Variants in GLUD1 observed in about 807,000 individuals in gnomAD.
GLUD1 encodes glutamate dehydrogenase 1, mitochondrial.
A neutral mutation model predicts 56.0 loss-of-function variants in GLUD1; 22 were observed. The ratio of observed to expected loss-of-function variants is 0.39; its 90% CI spans 0.28 to 0.56. The LOEUF (loss-of-function observed/expected upper bound fraction) is 0.56. Among genes scored for constraint, GLUD1 ranks in the 20% least tolerant of loss-of-function variants. The pLI is 0.58. For synonymous variants in GLUD1, 223 were observed against 269.9 expected, an observed-to-expected ratio of 0.83 and a Z score of 1.70; for missense variants, 451 against 732.0, an observed-to-expected ratio of 0.62 and a Z score of 4.43.
In GLUD1 at chr10:87,084,452, C is replaced by A. The variant is rs143994422; in HGVS notation, c.446-7796G>T. Among the ~76,000 whole-genome samples, 884 of 152,282 alleles carry A rather than the reference C, an allele frequency of 5.8e-3. 8 individuals are homozygous for A. Among genetic ancestry groups the A allele is most frequent in the African/African-American group, 0.02 (820 of 41,548 alleles). On this transcript the variant is annotated intron_variant, in intron 1 of 12. Transcript: ENST00000277865. The stretch of plus-strand genomic sequence containing the variant: ...CAAAAGCAGAAACTAGCTTAAGTTG[C>A]TATAGTGATGAAGAAAACAAACCAG...
intron 1 of GLUD1, among the ~76,000 whole-genome samples, chr10:87,080,171 C>T (rs1037312580): frequency 5.9e-5 from 9 of 152,086 alleles, no homozygotes; most frequent in African/African-American, 1.9e-4. Context: ...AGCTCCTAAC[C>T]GCGAGTGATC....
chr10:87,082,324 TGTGTATAACAAAAGACATG>T (rs1841281893), intron 1 of GLUD1, among the ~76,000 whole-genome samples: 13 of 152,230 alleles, frequency 8.5e-5, no homozygotes, highest in Admixed American at 8.5e-4. Context: ...AGAAACTGTG[TGTGTATAACAAAAGACATG>T]TTCCGCTGGA....
chr10:87,079,557 G>C (rs1415331973), intron 1 of GLUD1, among the ~76,000 whole-genome samples: 1 of 152,196 alleles, frequency 6.6e-6, no homozygotes, highest in African/African-American at 2.4e-5. Context: ...CTAAGCCAGG[G>C]AAATGGTAAG....
At chr10:87,093,237 T>G (rs772315404) in intron 1 of GLUD1, among the ~76,000 whole-genome samples, 1 of 152,248 alleles carries the variant, frequency 6.6e-6, no homozygotes, top group Non-Finnish European at 1.5e-5. Flanking sequence ...TACTGAGACA[T>G]GGGTCTAGCC....
chr10:87,092,164 C>CA (rs1390118560), intron 1 of GLUD1, among the ~76,000 whole-genome samples: 1 of 152,152 alleles, frequency 6.6e-6, no homozygotes, highest in African/African-American at 2.4e-5. Context: ...GTCTTGAACA[C>CA]AAAGCATGGA....
chr10:87,083,219 TAAA>T (rs11431413), intron 1 of GLUD1, among the ~76,000 whole-genome samples: 4 of 134,598 alleles, frequency 3.0e-5, no homozygotes, highest in African/African-American at 1.1e-4. Flanking sequence ...TCAAAAAAAT[TAAA>T]AAAAAAAAAA....
intron 1 of GLUD1, among the ~76,000 whole-genome samples, chr10:87,093,231 G>A (rs555520583): frequency 6.6e-6 from 1 of 152,224 alleles, no homozygotes; most frequent in Non-Finnish European, 1.5e-5. Flanking sequence ...CAGGTTTACT[G>A]AGACATGGGT....
chr10:87,051,431 C>T lies in GLUD1; in HGVS notation c.*320G>A, dbSNP rs1845629461. ...CTGACTGCTCTTGACTGTTCCTCCC[C>T]AGCACTAGCACTGATTGTGTTGGGA... On this transcript the variant is annotated 3_prime_UTR_variant, in exon 13 of 13. Coordinates refer to ENST00000277865, the MANE Select transcript of GLUD1 (RefSeq NM_005271.5). 1 of 414,532 alleles carries T rather than the reference C, an allele frequency of 2.4e-6. No individual in the cohort carries two copies. The highest frequency in any genetic ancestry group is 4.7e-6 in the Non-Finnish European group (1 of 211,556). The allele number at this position is 414,532 out of a possible 1,614,324, so 25.7% of individuals were successfully genotyped here.
intron 1 of GLUD1, among the ~76,000 whole-genome samples, chr10:87,081,339 C>A (rs950649897): frequency 2.7e-5 from 4 of 148,250 alleles, no homozygotes; most frequent in Admixed American, 1.3e-4. Context: ...GTCAGCCCCC[C>A]ACCCAGCCAG....
intron 1 of GLUD1, chr10:87,093,878 G>A: frequency 1.6e-6 from 2 of 1,255,330 alleles, no homozygotes; most frequent in Non-Finnish European, 2.1e-6. Context: ...TATTGGAACA[G>A]GAGTGAACAA....
At chr10:87,072,203 G>T (rs1416651679) in intron 4 of GLUD1, among the ~76,000 whole-genome samples, 2 of 152,184 alleles carry the variant, frequency 1.3e-5, no homozygotes, top group South Asian at 2.1e-4. Flanking sequence ...AGCCCAGGAG[G>T]TCAAGGTTGC....
intron 11 of GLUD1, among the ~76,000 whole-genome samples, chr10:87,054,073 T>A (rs1022480844): frequency 2.5e-4 from 38 of 152,234 alleles, no homozygotes; most frequent in African/African-American, 8.9e-4. Context: ...TCTAAAAAAT[T>A]AAGGACAATT....
At chr10:87,075,750 C>G (rs899405493) in intron 3 of GLUD1, among the ~76,000 whole-genome samples, 38 of 152,072 alleles carry the variant, frequency 2.5e-4, no homozygotes, top group African/African-American at 7.0e-4. Context: ...GGTGAAATCC[C>G]CTCTCTACTA....
At position 87,094,114 on chromosome 10, in the gene GLUD1, A is replaced by G; in HGVS notation, c.445+211T>C. 1 of 1,494,176 alleles carries G rather than the reference A, an allele frequency of 6.7e-7. No homozygotes were observed. The highest frequency in any genetic ancestry group is 8.9e-7 in the Non-Finnish European group (1 of 1,121,564). 92.6% of individuals were successfully genotyped at this position (1,494,176 alleles called of 1,614,324 possible). A position where few individuals can be genotyped will look rare whatever the true frequency, so the allele number is the denominator to read the frequency against. Reference sequence around the variant, plus strand: ...GAGGCCCGGGGTGACGGCGCGGGGGAGGGGGCAGGCCAATCGCATGATGAT... The same window carrying G: ...GAGGCCCGGGGTGACGGCGCGGGGGGGGGGGCAGGCCAATCGCATGATGAT... On this transcript the variant is annotated intron_variant, in intron 1 of 12. Coordinates refer to ENST00000277865, the MANE Select transcript of GLUD1 (RefSeq NM_005271.5). The surrounding 1 kb of genome is among the most constrained non-coding windows in gnomAD (Gnocchi z 6.6).
chr10:87,060,547 A>T, intron 8 of GLUD1, 141 bp downstream of exon 8: 1 of 1,077,918 alleles, frequency 9.3e-7, no homozygotes, highest in Non-Finnish European at 1.4e-6. Flanking sequence ...ATGTACCTTA[A>T]ATGGGGGAAC....
intron 1 of GLUD1, among the ~76,000 whole-genome samples, chr10:87,081,760 AAG>A (rs1287307267): frequency 1.3e-5 from 2 of 151,710 alleles, no homozygotes; most frequent in Admixed American, 1.3e-4. Context: ...CATGCTCGTT[AAG>A]AGTCATCACC....
intron 10 of GLUD1, 46 bp downstream of exon 10, chr10:87,059,104 C>T (rs1018744872): frequency 1.2e-6 from 2 of 1,609,964 alleles, no homozygotes; most frequent in Admixed American, 3.3e-5. Flanking sequence ...AGCCTTTCAG[C>T]TGGCTCAAAA....
intron 1 of GLUD1, among the ~76,000 whole-genome samples, 160 bp from the exon 2 acceptor site, chr10:87,076,816 T>G (rs1846409001): frequency 6.6e-6 from 1 of 152,170 alleles, no homozygotes; most frequent in African/African-American, 2.4e-5. Flanking sequence ...TGAAGCAGCT[T>G]GTACATCAGA....
chr10:87,071,814 C>T (rs7090928), intron 4 of GLUD1, among the ~76,000 whole-genome samples: 15,496 of 152,192 alleles, frequency 0.1, 935 homozygotes, highest in Admixed American at 0.14. Context: ...AACTATAGAC[C>T]AATGTCACTT....
Sources: gnomAD v4.1 joint callset for allele counts (sites outside exome capture counted in the v4.1 genomes callset) on GRCh38, gnomAD v4.1.1 for gene constraint, Gnocchi (gnomAD v3.1) non-coding constraint, MANE v1.5 for transcripts, NCBI Gene and HGNC (gene_info 2026-07-23, HGNC 2026-07-21) for gene names.